KCNJ12: variants seen among roughly 807,000 people sequenced by gnomAD.
KCNJ12 encodes potassium inwardly rectifying channel subfamily J member 12.
In KCNJ12, 2 loss-of-function variants were observed where a neutral mutation model predicts 22.3. That is an observed-to-expected ratio of 0.09 (90% CI 0.04 to 0.28). The LOEUF is 0.28. KCNJ12 is among the 10% of genes least tolerant of loss of function. KCNJ12 has a pLI of 1.00. For synonymous variants in KCNJ12, 117 were observed against 261.4 expected, an observed-to-expected ratio of 0.45 and a Z score of 5.33; for missense variants, 155 against 633.3, an observed-to-expected ratio of 0.24 and a Z score of 8.11.
At position 21,415,270 on chromosome 17, in the gene KCNJ12, T is replaced by A; in HGVS notation, c.-56-17T>A. On this transcript the variant is annotated splice_polypyrimidine_tract_variant and intron_variant, in intron 2 of 2. Transcript: ENST00000583088. ...GAGCCACCAGCCCAGCCAGACATGC[T>A]GTCGTCTCTGTTGCAGGAGCCGCCC... 6.4e-7 allele frequency: 1 copy of A among 1,551,458 alleles called. No individual in the cohort carries two copies. Among genetic ancestry groups the A allele is most frequent in the Non-Finnish European group, 8.7e-7 (1 of 1,154,792 alleles).
intron 1 of KCNJ12, among the ~76,000 whole-genome samples, chr17:21,398,868 T>C (rs779858218): frequency 2.2e-4 from 34 of 152,268 alleles, no homozygotes; most frequent in Admixed American, 8.5e-4. Flanking sequence ...CACATAGCAC[T>C]GTATGCTGGA....
intron 1 of KCNJ12, among the ~76,000 whole-genome samples, chr17:21,407,085 A>T (rs2142068481): frequency 6.6e-6 from 1 of 152,414 alleles, no homozygotes; most frequent in Admixed American, 6.5e-5. Context: ...CCATGTGCCC[A>T]CCTGCTCATC....
At chr17:21,386,616 T>G (rs1905078570) in intron 1 of KCNJ12, among the ~76,000 whole-genome samples, 1 of 152,130 alleles carries the variant, frequency 6.6e-6, no homozygotes, top group Admixed American at 6.5e-5. Flanking sequence ...CAAGAGATTC[T>G]CCTGCCTCAG....
intron 1 of KCNJ12, among the ~76,000 whole-genome samples, chr17:21,398,640 C>T (rs1274057100): frequency 2.0e-5 from 3 of 152,252 alleles, no homozygotes; most frequent in African/African-American, 7.2e-5. Context: ...CCACTCCCTT[C>T]CTGGTGCTTC....
intron 1 of KCNJ12, among the ~76,000 whole-genome samples, chr17:21,382,753 T>C (rs1047232575): frequency 4.6e-5 from 7 of 152,118 alleles, no homozygotes; most frequent in Non-Finnish European, 7.4e-5. Context: ...TGTGCCCGGT[T>C]GGCCAGGTGT....
intron 1 of KCNJ12, among the ~76,000 whole-genome samples, chr17:21,378,847 C>T (rs901947155): frequency 6.6e-6 from 1 of 152,276 alleles, no homozygotes; most frequent in Middle Eastern, 3.4e-3. Flanking sequence ...GCAGCTACCC[C>T]GTCAAAACCC....
intron 1 of KCNJ12, among the ~76,000 whole-genome samples, chr17:21,380,158 A>G (rs1381226944): frequency 6.6e-6 from 1 of 152,168 alleles, no homozygotes. Context: ...CCTGCATGCC[A>G]TCCCAGCTCC....
At position 21,415,399 on chromosome 17, in the gene KCNJ12, G is replaced by A. The variant is rs1555562351; in HGVS notation, c.57G>A (p.Gly19=). ...PYSIVSSEED[G]LHLVTMSGAN... is the part of the protein sequence containing the mutation. ...GCATCGTGTCATCGGAGGAGGACGG[G>A]CTGCACCTGGTCACCATGTCGGGCG... Residue 19 remains glycine, a synonymous_variant, in exon 3 of 3, where the codon GGG becomes GGA. Coordinates refer to ENST00000583088, the MANE Select transcript of KCNJ12 (RefSeq NM_021012.5). The A allele has an allele frequency of 1.9e-6, 3 of 1,613,358 alleles. No individual in the cohort carries two copies. Among genetic ancestry groups the A allele is most frequent in the South Asian group, 2.2e-5 (2 of 91,082 alleles).
In KCNJ12 at chr17:21,399,937, G is replaced by T. The variant is rs543046659; in HGVS notation, c.-178-8582G>T. On this transcript the variant is annotated intron_variant, in intron 1 of 2. Transcript: ENST00000583088. ...AGTGTTCCTGACGCACAGCAGTTGCGCAGTCCCAGTTTACTGGGGTTGGAA... is the reference window on the plus strand; with the variant it reads ...AGTGTTCCTGACGCACAGCAGTTGCTCAGTCCCAGTTTACTGGGGTTGGAA... Among the ~76,000 whole-genome samples, 66 of 152,300 alleles carry T rather than the reference G, an allele frequency of 4.3e-4. No homozygotes were observed. In the South Asian group the frequency reaches 0.012, roughly 28 times the overall value.
rs1273584807 is a variant in KCNJ12 at position 21,415,255 on chromosome 17, C to T, written c.-56-32C>T. ...GGGTAGAGGAGCCCGGAGCCACCAG[C>T]CCAGCCAGACATGCTGTCGTCTCTG... On this transcript the variant is annotated intron_variant, in intron 2 of 2. Transcript: ENST00000583088. 9.8e-6 allele frequency: 15 copies of T among 1,537,802 alleles called. No homozygotes were observed. The Admixed American group carries it at 1.7e-4, about 18-fold the overall frequency.
chr17:21,381,499 T>G (rs1196664450), intron 1 of KCNJ12, among the ~76,000 whole-genome samples: 3 of 151,934 alleles, frequency 2.0e-5, no homozygotes, highest in African/African-American at 7.3e-5. Context: ...CGCTCCTGCT[T>G]GCCTTGCTGT....
intron 2 of KCNJ12, among the ~76,000 whole-genome samples, chr17:21,409,404 C>G (rs1268344631): frequency 6.6e-6 from 1 of 152,308 alleles, no homozygotes; most frequent in Non-Finnish European, 1.5e-5. Context: ...ATGAGGAAGG[C>G]CCAGGAGACA....
intron 1 of KCNJ12, chr17:21,405,456 C>T (rs112551159): frequency 6.6e-6 from 1 of 152,244 alleles, no homozygotes; most frequent in African/African-American, 2.4e-5. Flanking sequence ...GGCCCAGTGC[C>T]CGGACTGCAG....
intron 1 of KCNJ12, among the ~76,000 whole-genome samples, chr17:21,378,755 C>T (rs1278115128): frequency 6.6e-6 from 1 of 152,102 alleles, no homozygotes; most frequent in Non-Finnish European, 1.5e-5. Flanking sequence ...TGACACCCCT[C>T]ATCCCCAGCA....
intron 1 of KCNJ12, among the ~76,000 whole-genome samples, chr17:21,387,539 C>G (rs1905108854): frequency 6.6e-6 from 1 of 151,948 alleles, no homozygotes; most frequent in African/African-American, 2.4e-5. Flanking sequence ...CATCAGCTAC[C>G]AGCAGTGCAT....
At chr17:21,406,941 G>C (rs1360372017) in intron 1 of KCNJ12, among the ~76,000 whole-genome samples, 1 of 152,298 alleles carries the variant, frequency 6.6e-6, no homozygotes, top group Non-Finnish European at 1.5e-5. Flanking sequence ...CGGCACACTG[G>C]ATAGGAAGGC....
intron 2 of KCNJ12, among the ~76,000 whole-genome samples, chr17:21,411,600 T>G (rs4021109): frequency 9.8e-5 from 15 of 152,298 alleles, no homozygotes; most frequent in Admixed American, 2.0e-4. Context: ...TCTTGGCCCT[T>G]GAATTGCTTT....
intron 2 of KCNJ12, among the ~76,000 whole-genome samples, chr17:21,411,150 G>A (rs1376021376): frequency 3.9e-5 from 6 of 152,298 alleles, no homozygotes; most frequent in East Asian, 3.8e-4. Context: ...GGATGTCACC[G>A]AAACCTGAGA....
chr17:21,398,942 C>T (rs1188373008), intron 1 of KCNJ12, among the ~76,000 whole-genome samples: 2 of 152,238 alleles, frequency 1.3e-5, no homozygotes, highest in African/African-American at 4.8e-5. Flanking sequence ...TGATTAGGCC[C>T]ATTCCACAGA....
Sources: gnomAD v4.1 joint callset for allele counts (sites outside exome capture counted in the v4.1 genomes callset) on GRCh38, gnomAD v4.1.1 for gene constraint, MANE v1.5 for transcripts, NCBI Gene and HGNC (gene_info 2026-07-23, HGNC 2026-07-21) for gene names.